Variants in PTPRT observed in about 807,000 individuals in gnomAD.
The protein encoded by PTPRT is protein tyrosine phosphatase receptor type T, also known as receptor-type tyrosine-protein phosphatase T.
PTPRT carries 56 observed loss-of-function variants against 176.8 expected under a neutral mutation model. The ratio of observed to expected loss-of-function variants is 0.32; its 90% CI spans 0.26 to 0.40. The LOEUF is 0.40. Among genes scored for constraint, PTPRT ranks in the 10% least tolerant of loss-of-function variants. The pLI is 1.00. For synonymous variants in PTPRT, 783 were observed against 739.0 expected (o/e 1.06, Z -0.96); for missense variants, 1,540 against 1,908.2 (o/e 0.81, Z 3.60).
intron 7 of PTPRT, among the ~76,000 whole-genome samples, chr20:42,625,092 C>T (rs78259214): frequency 6.6e-6 from 1 of 152,276 alleles, no homozygotes; most frequent in Non-Finnish European, 1.5e-5. Context: ...GACACAGCGG[C>T]CCCACAAATA....
chr20:43,147,175 G>A (rs2014194126), intron 1 of PTPRT, among the ~76,000 whole-genome samples: 1 of 152,028 alleles, frequency 6.6e-6, no homozygotes, highest in African/African-American at 2.4e-5. Context: ...ACCTGTCTTG[G>A]TGCCCCCTTC....
intron 7 of PTPRT, among the ~76,000 whole-genome samples, chr20:42,550,279 T>G (rs988787586): frequency 2.0e-5 from 3 of 151,924 alleles, no homozygotes; most frequent in African/African-American, 7.3e-5. Context: ...ACCGTTCCAA[T>G]TTCTTGAAGG....
intron 6 of PTPRT, among the ~76,000 whole-genome samples, chr20:42,746,471 C>A (rs1438883796): frequency 6.6e-6 from 1 of 152,050 alleles, no homozygotes; most frequent in Non-Finnish European, 1.5e-5. Flanking sequence ...TAGCCATGGC[C>A]TCTGACCCAA....
intron 15 of PTPRT, among the ~76,000 whole-genome samples, chr20:42,205,729 G>A (rs2055440787): frequency 6.6e-6 from 1 of 151,908 alleles, no homozygotes; most frequent in Non-Finnish European, 1.5e-5. Flanking sequence ...TCCTCCTCTG[G>A]GCCATCCTCC....
intron 2 of PTPRT, among the ~76,000 whole-genome samples, chr20:42,884,586 A>G (rs1396433183): frequency 1.3e-5 from 2 of 152,314 alleles, no homozygotes; most frequent in East Asian, 3.9e-4. Context: ...ACCAGCACAG[A>G]GGCAGTATCT....
intron 6 of PTPRT, among the ~76,000 whole-genome samples, chr20:42,735,573 GT>G (rs2146276945): frequency 6.6e-6 from 1 of 152,004 alleles, no homozygotes; most frequent in African/African-American, 2.4e-5. Context: ...TCCAAAAATA[GT>G]CTTTTTCAGT....
chr20:42,101,997 C>A, intron 26 of PTPRT, 127 bp downstream of exon 26: 1 of 1,131,386 alleles, frequency 8.8e-7, no homozygotes, highest in South Asian at 1.6e-5. Context: ...GTCCTTGGGA[C>A]TAGTAGATCA....
At chr20:42,072,193 G>A (rs6016678), downstream of PTPRT, among the ~76,000 whole-genome samples, 48,030 of 152,018 alleles carry the variant, frequency 0.32, 7,840 homozygotes, top group Non-Finnish European at 0.36. Context: ...GGAGGAGGAT[G>A]AAAAAATAAG....
chr20:42,363,304 T>G (rs13037950), intron 9 of PTPRT, among the ~76,000 whole-genome samples: 1 of 58,736 alleles, frequency 1.7e-5, no homozygotes. Context: ...ATATATATTT[T>G]TTTTTTTTTT....
At chr20:43,127,008 G>T (rs1225167669) in intron 1 of PTPRT, among the ~76,000 whole-genome samples, 6 of 152,144 alleles carry the variant, frequency 3.9e-5, no homozygotes, top group Non-Finnish European at 8.8e-5. Flanking sequence ...TCTTTTCATT[G>T]CCACAGGAAA....
chr20:42,376,142 C>G (rs2058646820), intron 9 of PTPRT, among the ~76,000 whole-genome samples: 1 of 152,140 alleles, frequency 6.6e-6, no homozygotes, highest in African/African-American at 2.4e-5. Context: ...ATGAACGGGA[C>G]TAAAAAGATA....
At chr20:42,284,274 G>C (rs968594086) in intron 12 of PTPRT, among the ~76,000 whole-genome samples, 1 of 151,824 alleles carries the variant, frequency 6.6e-6, no homozygotes, top group African/African-American at 2.4e-5. Context: ...CTAACATCCT[G>C]GTGTTTATCC....
intron 7 of PTPRT, among the ~76,000 whole-genome samples, chr20:42,563,147 A>G (rs575538179): frequency 3.9e-5 from 6 of 152,308 alleles, no homozygotes; most frequent in African/African-American, 9.6e-5. Context: ...CTTTACTACT[A>G]ATGTGTCGAA....
chr20:43,097,534 T>A (rs78130727), intron 1 of PTPRT, among the ~76,000 whole-genome samples: 8,649 of 152,294 alleles, frequency 0.057, 321 homozygotes, highest in South Asian at 0.1. Flanking sequence ...TAAAATGCCA[T>A]GATGGTTCCC....
At chr20:42,952,959 C>A (rs989087151) in intron 1 of PTPRT, among the ~76,000 whole-genome samples, 1 of 152,176 alleles carries the variant, frequency 6.6e-6, no homozygotes, top group African/African-American at 2.4e-5. Flanking sequence ...GATAAATAGT[C>A]CCTTTGTAGA....
intron 9 of PTPRT, among the ~76,000 whole-genome samples, chr20:42,364,562 A>T (rs2058489075): frequency 6.6e-6 from 1 of 151,946 alleles, no homozygotes; most frequent in African/African-American, 2.4e-5. Flanking sequence ...ATTTATACTA[A>T]CCTTTTCTCC....
At chr20:42,334,298 C>T (rs956211005) in intron 11 of PTPRT, among the ~76,000 whole-genome samples, 4 of 152,004 alleles carry the variant, frequency 2.6e-5, no homozygotes, top group South Asian at 2.1e-4. Context: ...GTATCACCTC[C>T]GACTTGTAAT....
At position 42,131,344 on chromosome 20, in the gene PTPRT, T is replaced by C. The variant is rs564800470; in HGVS notation, c.2771-2514A>G. On this transcript the variant is annotated intron_variant, in intron 18 of 30. Transcript: ENST00000373187. Reference sequence around the variant, plus strand: ...GGCCTCAAAAAAGTGAAAATGCACATTGTGTTTTCACTCAGTGGTCTCATT... The same window carrying C: ...GGCCTCAAAAAAGTGAAAATGCACACTGTGTTTTCACTCAGTGGTCTCATT... 5.8e-4 allele frequency among the ~76,000 whole-genome samples: 89 copies of C among 152,322 alleles called. No homozygotes were observed. The South Asian group carries it at 0.011, about 19-fold the overall frequency.
chr20:42,783,998 G>A (rs962111531), intron 3 of PTPRT, among the ~76,000 whole-genome samples: 5 of 152,172 alleles, frequency 3.3e-5, no homozygotes, highest in African/African-American at 9.6e-5. Flanking sequence ...CGTCTCTGTA[G>A]ATGCTCTTCA....
Sources: gnomAD v4.1 joint callset for allele counts (sites outside exome capture counted in the v4.1 genomes callset) on GRCh38, gnomAD v4.1.1 for gene constraint, MANE v1.5 for transcripts, NCBI Gene and HGNC (gene_info 2026-07-23, HGNC 2026-07-21) for gene names.